The following SNX13 variants were observed in gnomAD, a reference collection of about 807,000 sequenced individuals.
The protein encoded by SNX13 is sorting nexin 13, also known as sorting nexin-13.
In SNX13, 45 loss-of-function variants were observed where a neutral mutation model predicts 133.6. The ratio of observed to expected loss-of-function variants is 0.34; its 90% CI spans 0.27 to 0.43. SNX13 has a LOEUF of 0.43. SNX13 is among the 20% of genes least tolerant of loss of function. SNX13 has a pLI of 1.00. For synonymous variants in SNX13, 414 were observed against 373.9 expected (o/e 1.11, Z -1.24); for missense variants, 1,032 against 1,145.1 (o/e 0.90, Z 1.43).
chr7:17,883,513 TC>T (rs1302463992), intron 5 of SNX13, among the ~76,000 whole-genome samples: 1 of 152,162 alleles, frequency 6.6e-6, no homozygotes, highest in Non-Finnish European at 1.5e-5. Flanking sequence ...TCAAATTATT[TC>T]CCCATTTTTT....
chr7:17,881,800 T>A (rs1400834387), intron 5 of SNX13: 1 of 152,190 alleles, frequency 6.6e-6, no homozygotes, highest in Non-Finnish European at 1.5e-5. Context: ...ACTACTTTGT[T>A]AACGGTGTCA....
intron 9 of SNX13, among the ~76,000 whole-genome samples, chr7:17,851,796 T>C (rs1220372206): frequency 1.3e-5 from 2 of 152,046 alleles, no homozygotes; most frequent in Non-Finnish European, 2.9e-5. Context: ...TCCCATTAAA[T>C]ATAAAAATGG....
chr7:17,914,520 C>T (rs1432447992), intron 1 of SNX13, among the ~76,000 whole-genome samples: 1 of 152,196 alleles, frequency 6.6e-6, no homozygotes, highest in African/African-American at 2.4e-5. Flanking sequence ...ATCAAACTAA[C>T]AGCGGACTTC....
intron 1 of SNX13, among the ~76,000 whole-genome samples, chr7:17,901,713 T>A (rs188759284): frequency 2.6e-5 from 4 of 152,310 alleles, no homozygotes; most frequent in African/African-American, 7.2e-5. Flanking sequence ...CAATTCAATA[T>A]TGTCCTTCCT....
chr7:17,801,472 G>A (rs1784640063), intron 22 of SNX13, 116 bp downstream of exon 22: 1 of 734,444 alleles, frequency 1.4e-6, no homozygotes, highest in Non-Finnish European at 2.2e-6. Flanking sequence ...AATTCATCAA[G>A]CTTAACACTT....
intron 16 of SNX13, among the ~76,000 whole-genome samples, chr7:17,828,770 T>C (rs1788174299): frequency 6.6e-6 from 1 of 151,502 alleles, no homozygotes. Context: ...ACTTATCTTA[T>C]TTGGAAAAGC....
chr7:17,897,296 G>C (rs372576041), intron 2 of SNX13, 38 bp downstream of exon 2: 1 of 1,153,218 alleles, frequency 8.7e-7, no homozygotes, highest in Non-Finnish European at 1.2e-6. Context: ...AACAAGATAT[G>C]ACACATGAAT....
chr7:17,937,457 T>G (rs1179515976), intron 1 of SNX13, among the ~76,000 whole-genome samples: 2 of 137,500 alleles, frequency 1.5e-5, no homozygotes, highest in African/African-American at 2.8e-5. Flanking sequence ...GAGGTTGCAG[T>G]GAGCCAAGAT....
intron 1 of SNX13, among the ~76,000 whole-genome samples, chr7:17,917,743 A>G (rs747308332): frequency 2.6e-5 from 4 of 152,204 alleles, no homozygotes; most frequent in Admixed American, 1.3e-4. Context: ...TACAGATTCA[A>G]TGCAATTCCT....
chr7:17,891,075 T>C (rs886294471), intron 4 of SNX13, among the ~76,000 whole-genome samples: 3 of 151,946 alleles, frequency 2.0e-5, no homozygotes, highest in Admixed American at 6.6e-5. Flanking sequence ...ATGTTAAAAT[T>C]CTAAAGTACA....
chr7:17,903,465 C>T (rs1009265614), intron 1 of SNX13, among the ~76,000 whole-genome samples: 2 of 152,136 alleles, frequency 1.3e-5, no homozygotes, highest in Non-Finnish European at 2.9e-5. Flanking sequence ...AAACTACAGA[C>T]TTAGGAGTTA....
chr7:17,841,723 T>C (rs543310849), intron 12 of SNX13, among the ~76,000 whole-genome samples: 74 of 151,680 alleles, frequency 4.9e-4, no homozygotes, highest in Non-Finnish European at 9.4e-4. Context: ...TTAAAACAAC[T>C]ACCTTAAAGA....
At chr7:17,934,028 T>G (rs1241349562) in intron 1 of SNX13, among the ~76,000 whole-genome samples, 1 of 152,220 alleles carries the variant, frequency 6.6e-6, no homozygotes, top group Admixed American at 6.5e-5. Context: ...TCCCTTATAG[T>G]GCTTAACATA....
At chr7:17,887,181 T>G (rs1268661951) in intron 5 of SNX13, among the ~76,000 whole-genome samples, 1 of 152,190 alleles carries the variant, frequency 6.6e-6, no homozygotes, top group Admixed American at 6.5e-5. Flanking sequence ...ATCATCTCAT[T>G]TTCCCCTTAC....
chr7:17,823,114 C>A (rs1787486752), intron 17 of SNX13, among the ~76,000 whole-genome samples: 1 of 152,168 alleles, frequency 6.6e-6, no homozygotes, highest in Admixed American at 6.5e-5. Flanking sequence ...AAAATGCTAT[C>A]AAAATCAAGA....
chr7:17,857,570 G>A (rs1233956541), intron 9 of SNX13, among the ~76,000 whole-genome samples: 1 of 152,116 alleles, frequency 6.6e-6, no homozygotes, highest in East Asian at 1.9e-4. Flanking sequence ...GATCACCAGA[G>A]GTCAGGAGTT....
At chr7:17,933,374 T>A (rs1217358310) in intron 1 of SNX13, among the ~76,000 whole-genome samples, 1 of 152,048 alleles carries the variant, frequency 6.6e-6, no homozygotes, top group Non-Finnish European at 1.5e-5. Context: ...AAACCCCGTC[T>A]CTACTAAAAA....
chr7:17,881,424 TATA>T (rs1202513361), intron 5 of SNX13: 9 of 152,144 alleles, frequency 5.9e-5, no homozygotes, highest in Non-Finnish European at 8.8e-5. Flanking sequence ...CACATAAAAT[TATA>T]ATAATATGTA....
In SNX13 at chr7:17,837,280, G is replaced by A. The variant is rs993334784; in HGVS notation, c.1360-2415C>T. On this transcript the variant is annotated intron_variant, in intron 13 of 25. Coordinates refer to ENST00000428135, the MANE Select transcript of SNX13 (RefSeq NM_015132.5). ...CAAGTAGCTAAGAATACAGCCTTGT[G>A]CCACCAACTCCAGCTAATTTTCTTT... Among the ~76,000 whole-genome samples the A allele has an allele frequency of 2.0e-5, 3 of 151,972 alleles. No individual in the cohort carries two copies. The East Asian group carries it at 5.8e-4, about 29-fold the overall frequency.
Sources: gnomAD v4.1 joint callset for allele counts (sites outside exome capture counted in the v4.1 genomes callset) on GRCh38, gnomAD v4.1.1 for gene constraint, MANE v1.5 for transcripts, NCBI Gene and HGNC (gene_info 2026-07-23, HGNC 2026-07-21) for gene names.